Variants in CNTN6 observed in about 807,000 individuals in gnomAD.
The protein encoded by CNTN6 is contactin-6.
CNTN6 carries 137 observed loss-of-function variants against 122.8 expected under a neutral mutation model. The observed-to-expected ratio is 1.12, with a 90% confidence interval of 0.97 to 1.29. The LOEUF is 1.29. Ranked by LOEUF, CNTN6 falls within the 50% of genes most tolerant of loss-of-function variation. CNTN6 has a pLI of 0.00. For missense variants in CNTN6, 1,634 were observed against 1,223.4 expected (o/e 1.34, Z -5.01); for synonymous variants, 570 against 426.0 (o/e 1.34, Z -4.16).
intron 1 of CNTN6, among the ~76,000 whole-genome samples, chr3:1,093,903 T>G (rs1358123090): frequency 3.3e-5 from 5 of 152,202 alleles, no homozygotes; most frequent in Non-Finnish European, 7.3e-5. Flanking sequence ...AAATTGGAAT[T>G]CATAGTTTTT....
At chr3:1,168,204 G>A (rs538441806) in intron 2 of CNTN6, among the ~76,000 whole-genome samples, 63 of 151,924 alleles carry the variant, frequency 4.1e-4, no homozygotes, top group Admixed American at 8.5e-4. Flanking sequence ...CATCGCGCCC[G>A]GCCTGGAAAT....
At chr3:1,104,200 T>C (rs1016848172) in intron 1 of CNTN6, among the ~76,000 whole-genome samples, 8 of 152,032 alleles carry the variant, frequency 5.3e-5, no homozygotes, top group African/African-American at 1.9e-4. Flanking sequence ...TAATTTTCGG[T>C]CTCACCTGAC....
intron 4 of CNTN6, among the ~76,000 whole-genome samples, chr3:1,261,307 A>C (rs1362499643): frequency 6.6e-6 from 1 of 152,182 alleles, no homozygotes; most frequent in African/African-American, 2.4e-5. Flanking sequence ...GAGTAGGTAA[A>C]TAGATAGCAA....
At chr3:1,260,431 T>C (rs1021096655) in intron 4 of CNTN6, among the ~76,000 whole-genome samples, 1 of 152,070 alleles carries the variant, frequency 6.6e-6, no homozygotes, top group African/African-American at 2.4e-5. Context: ...TCAGGGCAGA[T>C]GTTTGATGTT....
intron 5 of CNTN6, among the ~76,000 whole-genome samples, chr3:1,289,169 G>A (rs1016245122): frequency 2.9e-5 from 4 of 137,902 alleles, no homozygotes; most frequent in African/African-American, 1.1e-4. Context: ...TAAACTTCCA[G>A]TTTGGAAGGT....
intron 2 of CNTN6, among the ~76,000 whole-genome samples, chr3:1,193,720 G>A (rs2093734907): frequency 6.6e-6 from 1 of 152,050 alleles, no homozygotes; most frequent in Non-Finnish European, 1.5e-5. Context: ...ACTACAGGTA[G>A]TGCTCCATTT....
intron 16 of CNTN6, among the ~76,000 whole-genome samples, chr3:1,374,737 C>G (rs1479071781): frequency 3.3e-5 from 5 of 151,976 alleles, no homozygotes; most frequent in Admixed American, 3.3e-4. Flanking sequence ...CATTCTTATT[C>G]GATCACATAA....
chr3:1,346,165 A>G (rs1320832362), intron 11 of CNTN6, among the ~76,000 whole-genome samples: 1 of 152,142 alleles, frequency 6.6e-6, no homozygotes, highest in African/African-American at 2.4e-5. Flanking sequence ...GATTGGGTAG[A>G]TATTAGATTT....
chr3:1,374,085 A>T lies in CNTN6; in HGVS notation c.2095+12A>T, dbSNP rs1472515913. ...AACTAAAGCATCAGGTAAAGAATCA[A>T]TGTGTTCTAAAAGTGTGGAAGATTT... On this transcript the variant is annotated intron_variant, in intron 16 of 22. Transcript: ENST00000446702. 1 of 1,611,562 alleles carries T rather than the reference A, an allele frequency of 6.2e-7. No individual in the cohort carries two copies. Among genetic ancestry groups the T allele is most frequent in the Non-Finnish European group, 8.5e-7 (1 of 1,178,254 alleles).
chr3:1,094,841 A>G (rs1404625119), intron 1 of CNTN6, among the ~76,000 whole-genome samples: 1 of 152,106 alleles, frequency 6.6e-6, no homozygotes, highest in African/African-American at 2.4e-5. Flanking sequence ...TGTGAGGAGA[A>G]GGAATACAAA....
chr3:1,255,241 G>A (rs1428892986), intron 4 of CNTN6, among the ~76,000 whole-genome samples: 2 of 152,236 alleles, frequency 1.3e-5, no homozygotes, highest in African/African-American at 2.4e-5. Context: ...CTATGCCTCT[G>A]ATGGAAGATG....
intron 2 of CNTN6, among the ~76,000 whole-genome samples, chr3:1,181,951 G>A (rs937699641): frequency 1.3e-5 from 2 of 151,814 alleles, no homozygotes; most frequent in Non-Finnish European, 2.9e-5. Context: ...CTCTGACAAC[G>A]TCACTGCCAA....
At position 1,384,780 on chromosome 3, in the gene CNTN6, T is replaced by C. The variant is rs1156365037; in HGVS notation, c.2518-831T>C. On this transcript the variant is annotated intron_variant, in intron 19 of 22. Transcript: ENST00000446702. Reference sequence around the variant, plus strand: ...ATATACATATATATACACATATATATATATATATATATATATACACACACA... The same window carrying C: ...ATATACATATATATACACATATATACATATATATATATATATACACACACA... Among the ~76,000 whole-genome samples, 367 of 130,398 alleles carry C rather than the reference T, an allele frequency of 2.8e-3. 6 individuals carry two copies. The highest frequency in any genetic ancestry group is 9.0e-3 in the African/African-American group (291 of 32,320). The allele number at this position is 130,398 out of a possible 152,430, so 85.5% of individuals were successfully genotyped here.
intron 12 of CNTN6, among the ~76,000 whole-genome samples, chr3:1,366,449 G>A (rs1252163047): frequency 6.6e-6 from 1 of 152,072 alleles, no homozygotes; most frequent in Non-Finnish European, 1.5e-5. Context: ...TGCACTCTTA[G>A]GAAGTGAGTA....
At chr3:1,252,969 G>A (rs1243149902) in intron 4 of CNTN6, among the ~76,000 whole-genome samples, 1 of 152,138 alleles carries the variant, frequency 6.6e-6, no homozygotes, top group Non-Finnish European at 1.5e-5. Flanking sequence ...GAACAATGTC[G>A]GGAAGTCAGA....
intron 7 of CNTN6, among the ~76,000 whole-genome samples, chr3:1,309,014 T>C (rs1457938780): frequency 1.3e-5 from 2 of 152,194 alleles, no homozygotes; most frequent in African/African-American, 4.8e-5. Context: ...TAAGAATTCT[T>C]TGCATATTTT....
At chr3:1,148,321 A>G (rs1488561696) in intron 2 of CNTN6, among the ~76,000 whole-genome samples, 3 of 151,942 alleles carry the variant, frequency 2.0e-5, no homozygotes, top group East Asian at 1.9e-4. Context: ...CAATGTAATT[A>G]TGTAATATTT....
intron 11 of CNTN6, among the ~76,000 whole-genome samples, chr3:1,339,509 C>G (rs952455351): frequency 6.6e-6 from 1 of 152,118 alleles, no homozygotes; most frequent in Admixed American, 6.5e-5. Flanking sequence ...TGTGTCACCA[C>G]TAACATGTGA....
intron 7 of CNTN6, among the ~76,000 whole-genome samples, chr3:1,300,605 GAGAGAA>G (rs1697214534): frequency 8.5e-6 from 1 of 117,410 alleles, no homozygotes; most frequent in Non-Finnish European, 1.6e-5. Context: ...AAGAAAGAAA[GAGAGAA>G]AGAAAGGAAG....
Sources: allele counts gnomAD v4.1 joint callset (sites outside exome capture counted in the v4.1 genomes callset), GRCh38; gene constraint gnomAD v4.1.1; transcripts MANE v1.5; gene names NCBI Gene and HGNC (gene_info 2026-07-23, HGNC 2026-07-21).